The following LEPR variants were observed in gnomAD, a reference collection of about 807,000 sequenced individuals.
LEPR encodes the protein leptin receptor.
A neutral mutation model predicts 114.7 loss-of-function variants in LEPR; 56 were observed. The observed-to-expected ratio is 0.49, with a 90% CI of 0.39 to 0.61. The LOEUF is 0.61. Ranked by LOEUF, LEPR falls within the 20% of genes least tolerant of loss-of-function variation. LEPR has a pLI of 0.00. For missense variants in LEPR, 1,202 were observed against 1,352.9 expected (o/e 0.89, Z 1.75); for synonymous variants, 443 against 461.4 (o/e 0.96, Z 0.51).
chr1:65,533,011 A>G (rs570080623), intron 2 of LEPR, among the ~76,000 whole-genome samples: 5 of 152,344 alleles, frequency 3.3e-5, no homozygotes, highest in Admixed American at 2.0e-4. Context: ...AATAAAACTG[A>G]TATTTTAAAA....
rs761555769 is a variant in LEPR, at chr1:65,601,422, C to G, written c.1025C>G (p.Thr342Arg). ...ATATACTTTCCACCTAAAATTCTGA[C>G]AAGTGTTGGGTCTAATGTTTCTTTT... ...DVIYFPPKILTSVGSNVSFHC... is the reference protein window; with the variant it reads ...DVIYFPPKILRSVGSNVSFHC... The change falls in exon 9 of 20, where the codon ACA (threonine) becomes AGA (arginine). Residue 342 changes from threonine (T) to arginine (R), a missense_variant. Thr to Arg is a moderately conservative substitution (Grantham distance 71). Transcript: ENST00000349533. The G allele has an allele frequency of 6.2e-7, 1 of 1,613,312 alleles. No individual in the cohort carries two copies. Among genetic ancestry groups the G allele is most frequent in the Non-Finnish European group, 8.5e-7 (1 of 1,179,600 alleles).
chr1:65,532,449 A>G (rs1462770935), intron 2 of LEPR, among the ~76,000 whole-genome samples: 1 of 152,182 alleles, frequency 6.6e-6, no homozygotes, highest in Non-Finnish European at 1.5e-5. Flanking sequence ...AGATAGTCAT[A>G]TGGTAATATG....
intron 2 of LEPR, among the ~76,000 whole-genome samples, chr1:65,473,992 T>C (rs761420794): frequency 6.6e-6 from 1 of 152,230 alleles, no homozygotes; most frequent in Non-Finnish European, 1.5e-5. Context: ...CAATTTTGTG[T>C]CACCTGCAAT....
intron 19 of LEPR, chr1:65,630,367 C>T (rs1172087229): frequency 6.4e-6 from 1 of 155,292 alleles, no homozygotes; most frequent in Non-Finnish European, 1.4e-5. Context: ...GTCCTATGAC[C>T]CTGCCAAATC....
chr1:65,604,036 G>C (rs1317059740), intron 10 of LEPR, among the ~76,000 whole-genome samples: 1 of 151,880 alleles, frequency 6.6e-6, no homozygotes, highest in Non-Finnish European at 1.5e-5. Flanking sequence ...TGCCTTCCTT[G>C]CCATCTCAGG....
At chr1:65,433,948 T>A in intron 2 of LEPR, 2 of 985,064 alleles carry the variant, frequency 2.0e-6, no homozygotes, top group Non-Finnish European at 2.4e-6. Flanking sequence ...TAGGATACCA[T>A]CTTGAATGTC....
At position 65,592,823 on chromosome 1, in the gene LEPR, A is replaced by G. The variant is rs201955489; in HGVS notation, c.661A>G (p.Ile221Val). 1.2e-5 allele frequency: 20 copies of G among 1,613,240 alleles called. No individual in the cohort carries two copies. In the South Asian group the frequency reaches 2.1e-4, roughly 17 times the overall value. The change falls in exon 6 of 20, where the codon ATT (isoleucine) becomes GTT (valine). Residue 221 changes from isoleucine (I) to valine (V), a missense_variant. By Grantham distance (29) the Ile-to-Val change is conservative (BLOSUM62 3). Transcript: ENST00000349533. ...TTTGAAAATCACATCTGGTGGAGTA[A>G]TTTTCCAGTCACCTCTAATGTCAGT... ...MCLKITSGGVIFQSPLMSVQP... is the reference protein window; with the variant it reads ...MCLKITSGGVVFQSPLMSVQP...
chr1:65,599,366 T>C (rs1403387960), intron 8 of LEPR, among the ~76,000 whole-genome samples: 3 of 152,126 alleles, frequency 2.0e-5, no homozygotes, highest in Non-Finnish European at 4.4e-5. Flanking sequence ...GCATGCAAAG[T>C]TGGGACTATA....
At chr1:65,530,761 T>G (rs1020562798) in intron 2 of LEPR, among the ~76,000 whole-genome samples, 2 of 152,132 alleles carry the variant, frequency 1.3e-5, no homozygotes, top group East Asian at 3.9e-4. Context: ...TCTCATCCTG[T>G]GACTTAGAAT....
At position 65,619,913 on chromosome 1, in the gene LEPR, T is replaced by A; in HGVS notation, c.2396-15T>A. 3.8e-6 allele frequency: 6 copies of A among 1,596,356 alleles called. No homozygotes were observed. The highest frequency in any genetic ancestry group is 5.2e-6 in the Non-Finnish European group (6 of 1,164,434). On this transcript the variant is annotated splice_polypyrimidine_tract_variant and intron_variant, in intron 16 of 19. Transcript: ENST00000349533. ...ATTTTGTATAAATGAGCCTTTTACG[T>A]ATTTTTCTCCTCAGATCATTTTATC...
chr1:65,635,755 T>C (rs1658696947), intron 19 of LEPR, among the ~76,000 whole-genome samples: 1 of 152,190 alleles, frequency 6.6e-6, no homozygotes, highest in African/African-American at 2.4e-5. Flanking sequence ...ACATTTTTAG[T>C]TTATGGGAAT....
chr1:65,565,363 C>T (rs1394536185), intron 2 of LEPR, among the ~76,000 whole-genome samples, 183 bp from the exon 3 acceptor site: 2 of 152,098 alleles, frequency 1.3e-5, no homozygotes, highest in Non-Finnish European at 2.9e-5. Flanking sequence ...AGATAGGATG[C>T]GTACAGGAAT....
At chr1:65,445,920 T>C (rs1302919361) in intron 2 of LEPR, among the ~76,000 whole-genome samples, 1 of 152,204 alleles carries the variant, frequency 6.6e-6, no homozygotes, top group Non-Finnish European at 1.5e-5. Context: ...TATTATGGGG[T>C]TCTTTTCAAT....
At chr1:65,518,966 TTC>T (rs1481294922) in intron 2 of LEPR, among the ~76,000 whole-genome samples, 15 of 143,830 alleles carry the variant, frequency 1.0e-4, no homozygotes, top group African/African-American at 3.6e-4. Flanking sequence ...TCTTTTTCTT[TTC>T]TTTTTCTCTC....
At chr1:65,576,604 T>C (rs578085612) in intron 5 of LEPR, 1 of 156,044 alleles carries the variant, frequency 6.4e-6, no homozygotes, top group East Asian at 1.9e-4. Flanking sequence ...ATTACCCAAA[T>C]ACCATTCAAA....
chr1:65,436,958 ACT>A (rs1326896037), intron 2 of LEPR, among the ~76,000 whole-genome samples: 1 of 152,170 alleles, frequency 6.6e-6, no homozygotes, highest in East Asian at 1.9e-4. Flanking sequence ...ATATCACCAC[ACT>A]CTGTAAAGTT....
chr1:65,432,621 C>T, intron 2 of LEPR: 2 of 983,600 alleles, frequency 2.0e-6, no homozygotes, highest in Non-Finnish European at 2.4e-6. Flanking sequence ...TTCAGATGTT[C>T]AAGCCTATAA....
At chr1:65,550,649 C>G (rs568782634) in intron 2 of LEPR, among the ~76,000 whole-genome samples, 2 of 152,280 alleles carry the variant, frequency 1.3e-5, no homozygotes, top group South Asian at 4.1e-4. Context: ...TCCTGGTGCG[C>G]CCTTTCCTAA....
At chr1:65,572,543 C>T (rs961510427) in intron 5 of LEPR, 94 bp downstream of exon 5, 1 of 1,219,294 alleles carries the variant, frequency 8.2e-7, no homozygotes, top group East Asian at 2.4e-5. Context: ...TCTTGCATCC[C>T]TACATTTCCT....
Sources: allele counts gnomAD v4.1 joint callset (sites outside exome capture counted in the v4.1 genomes callset), GRCh38; gene constraint gnomAD v4.1.1; transcripts MANE v1.5; gene names NCBI Gene and HGNC (gene_info 2026-07-23, HGNC 2026-07-21).